The following SPATA13 variants were observed in gnomAD, a reference collection of about 807,000 sequenced individuals.
SPATA13 encodes spermatogenesis associated 13.
A neutral mutation model predicts 104.0 loss-of-function variants in SPATA13; 50 were observed. The ratio of observed to expected loss-of-function variants is 0.48; its 90% CI spans 0.38 to 0.61. The LOEUF is 0.61. Among genes scored for constraint, SPATA13 ranks in the 20% least tolerant of loss-of-function variants. The pLI, the probability that SPATA13 is intolerant of heterozygous loss-of-function variation, is 0.00. For missense variants in SPATA13, 1,524 were observed against 1,690.6 expected, an observed-to-expected ratio of 0.90 and a Z score of 1.73; for synonymous variants, 606 against 667.5, an observed-to-expected ratio of 0.91 and a Z score of 1.42.
intron 9 of SPATA13, among the ~76,000 whole-genome samples, chr13:24,293,094 T>C (rs1032862481): frequency 3.7e-5 from 5 of 134,890 alleles, no homozygotes; most frequent in African/African-American, 5.7e-5. Context: ...CACTGAACAA[T>C]AGACACTAGA....
intron 8 of SPATA13, among the ~76,000 whole-genome samples, chr13:24,290,383 A>G (rs1159819061): frequency 6.6e-6 from 1 of 152,144 alleles, no homozygotes; most frequent in East Asian, 1.9e-4. Context: ...CAGGCTAGAA[A>G]GAGACCAGGG....
chr13:24,269,188 G>A (rs1874434000), intron 4 of SPATA13, among the ~76,000 whole-genome samples: 1 of 152,116 alleles, frequency 6.6e-6, no homozygotes, highest in Non-Finnish European at 1.5e-5. Context: ...TTATTGATTG[G>A]TGCTGCAGTT....
chr13:24,295,667 C>G (rs1426672462), intron 10 of SPATA13, among the ~76,000 whole-genome samples: 1 of 18,934 alleles, frequency 5.3e-5, no homozygotes, highest in Non-Finnish European at 9.9e-5. Context: ...CCAACAAATT[C>G]TCACTCTCTC....
chr13:24,291,826 G>A (rs1275251941), intron 9 of SPATA13, among the ~76,000 whole-genome samples: 2 of 148,466 alleles, frequency 1.3e-5, no homozygotes, highest in African/African-American at 5.0e-5. Context: ...GCGCAATCTC[G>A]GCTCACTGCA....
At chr13:24,268,931 C>G (rs1338090620) in intron 4 of SPATA13, among the ~76,000 whole-genome samples, 1 of 152,064 alleles carries the variant, frequency 6.6e-6, no homozygotes, top group African/African-American at 2.4e-5. Flanking sequence ...ATAGAAATAG[C>G]CACAGATATT....
At chr13:24,120,327 G>A (rs1391360293) in intron 3 of SPATA13, among the ~76,000 whole-genome samples, 1 of 152,236 alleles carries the variant, frequency 6.6e-6, no homozygotes, top group African/African-American at 2.4e-5. Flanking sequence ...CAGACGCTCT[G>A]GGCAAGTCGC....
At chr13:24,294,406 G>C (rs1408910382) in intron 9 of SPATA13, among the ~76,000 whole-genome samples, 3 of 152,226 alleles carry the variant, frequency 2.0e-5, no homozygotes, top group Non-Finnish European at 4.4e-5. Context: ...AATAAAGACT[G>C]TTCTTTCTGT....
At chr13:23,994,255 T>G (rs1875567269) in intron 2 of SPATA13, among the ~76,000 whole-genome samples, 1 of 152,168 alleles carries the variant, frequency 6.6e-6, no homozygotes, top group African/African-American at 2.4e-5. Context: ...AAACTATAAT[T>G]AAAAAGATAT....
At chr13:24,282,752 C>T (rs1875639716) in intron 4 of SPATA13, among the ~76,000 whole-genome samples, 1 of 152,210 alleles carries the variant, frequency 6.6e-6, no homozygotes, top group African/African-American at 2.4e-5. Context: ...CTGTGGAGTT[C>T]CAGCTACTTG....
intron 5 of SPATA13, among the ~76,000 whole-genome samples, chr13:24,285,513 T>TCCTCCCTCCCTC (rs745409238): frequency 6.6e-6 from 1 of 150,510 alleles, no homozygotes; most frequent in Non-Finnish European, 1.5e-5. Context: ...CTGCCTGCCT[T>TCCTCCCTCCCTC]CCTCCCTCCC....
intron 2 of SPATA13, among the ~76,000 whole-genome samples, chr13:24,247,688 T>G (rs1873225455): frequency 6.6e-6 from 1 of 152,054 alleles, no homozygotes; most frequent in African/African-American, 2.4e-5. Flanking sequence ...TTCACCATGT[T>G]GGCCAGCTGG....
chr13:24,089,717 T>A (rs1328792211), intron 3 of SPATA13, among the ~76,000 whole-genome samples: 1 of 152,236 alleles, frequency 6.6e-6, no homozygotes, highest in Admixed American at 6.5e-5. Flanking sequence ...AAATTCAAAT[T>A]TCACTGGGTG....
intron 3 of SPATA13, among the ~76,000 whole-genome samples, chr13:24,058,198 G>A (rs769740143): frequency 8.6e-5 from 13 of 151,782 alleles, no homozygotes; most frequent in Non-Finnish European, 1.6e-4. Context: ...AGCTTACATA[G>A]GATGACGTCT....
At chr13:24,185,700 T>C (rs1869098539) in intron 1 of SPATA13, among the ~76,000 whole-genome samples, 1 of 148,932 alleles carries the variant, frequency 6.7e-6, no homozygotes, top group South Asian at 2.2e-4. Flanking sequence ...TGGATTTAAC[T>C]TAGAACACAT....
chr13:24,116,209 T>G (rs1317512494), intron 3 of SPATA13, among the ~76,000 whole-genome samples: 1 of 152,256 alleles, frequency 6.6e-6, no homozygotes, highest in African/African-American at 2.4e-5. Flanking sequence ...CAGCGTCTGC[T>G]AAGCTCCTGC....
intron 3 of SPATA13, among the ~76,000 whole-genome samples, chr13:24,083,331 G>A (rs144767235): frequency 1.9e-4 from 29 of 152,294 alleles, no homozygotes; most frequent in Non-Finnish European, 2.9e-4. Context: ...ACCCTGCCCC[G>A]CCCACAGGAG....
At chr13:23,995,112 T>C (rs1272345950) in intron 2 of SPATA13, among the ~76,000 whole-genome samples, 1 of 152,118 alleles carries the variant, frequency 6.6e-6, no homozygotes, top group African/African-American at 2.4e-5. Context: ...TGTCCAAAAA[T>C]GTCAGTAGTG....
At chr13:24,022,221 A>G (rs893931785) in intron 3 of SPATA13, among the ~76,000 whole-genome samples, 2 of 150,228 alleles carry the variant, frequency 1.3e-5, no homozygotes, top group Non-Finnish European at 1.5e-5. Flanking sequence ...TTTTGTGTAG[A>G]GATGGGGTTT....
chr13:24,230,696 C>T (rs980903537), intron 2 of SPATA13, among the ~76,000 whole-genome samples: 1 of 152,286 alleles, frequency 6.6e-6, no homozygotes, highest in Non-Finnish European at 1.5e-5. Flanking sequence ...ATATAAGTTT[C>T]TAGCAAAGTG....
Sources: gnomAD v4.1 joint callset for allele counts (sites outside exome capture counted in the v4.1 genomes callset) on GRCh38, gnomAD v4.1.1 for gene constraint, MANE v1.5 for transcripts, NCBI Gene and HGNC (gene_info 2026-07-23, HGNC 2026-07-21) for gene names.